SCNN1G: variants seen among roughly 807,000 people sequenced by gnomAD.
The protein encoded by SCNN1G is epithelial sodium channel subunit gamma.
A neutral mutation model predicts 64.6 loss-of-function variants in SCNN1G; 27 were observed. The observed-to-expected ratio is 0.42, with a 90% CI of 0.31 to 0.58. The LOEUF is 0.58. Among genes scored for constraint, SCNN1G ranks in the 20% least tolerant of loss-of-function variants. The pLI, the probability that SCNN1G is intolerant of heterozygous loss-of-function variation, is 0.18. For synonymous variants in SCNN1G, 330 were observed against 314.2 expected (o/e 1.05, Z -0.53); for missense variants, 743 against 823.4 (o/e 0.90, Z 1.19).
chr16:23,205,099 T>C (rs1159457674), intron 6 of SCNN1G, among the ~76,000 whole-genome samples: 7 of 152,254 alleles, frequency 4.6e-5, no homozygotes, highest in Admixed American at 2.6e-4. Flanking sequence ...AAGCATGAGC[T>C]ATCATGCCTG....
intron 2 of SCNN1G, among the ~76,000 whole-genome samples, chr16:23,188,381 A>G (rs1216002612): frequency 6.6e-6 from 1 of 151,998 alleles, no homozygotes; most frequent in African/African-American, 2.4e-5. Flanking sequence ...GTGTGATGGC[A>G]CACATTCATA....
chr16:23,214,430 T>C (rs945905684), intron 11 of SCNN1G, among the ~76,000 whole-genome samples: 1 of 152,236 alleles, frequency 6.6e-6, no homozygotes, highest in Non-Finnish European at 1.5e-5. Context: ...ATGTCAATGT[T>C]TAATGAAGAA....
intron 8 of SCNN1G, 36 bp downstream of exon 8, chr16:23,212,187 G>A: frequency 7.1e-7 from 1 of 1,409,990 alleles, no homozygotes; most frequent in African/African-American, 1.4e-5. Context: ...GCATGCCCCA[G>A]GACCAGGGTC....
rs72647515 is a variant in SCNN1G at position 23,207,948 on chromosome 16, T to C, written c.1078-1802T>C. Reference sequence around the variant, plus strand: ...TCCCTCCCACAAATCTGCCATTCTTTTTCTCTTTACCCCCATCTCCCCAAC... The same window carrying C: ...TCCCTCCCACAAATCTGCCATTCTTCTTCTCTTTACCCCCATCTCCCCAAC... On this transcript the variant is annotated intron_variant, in intron 6 of 12. Coordinates refer to ENST00000300061, the MANE Select transcript of SCNN1G (RefSeq NM_001039.4). 1.1e-3 allele frequency among the ~76,000 whole-genome samples: 173 copies of C among 152,308 alleles called. 1 individual carries two copies. Among genetic ancestry groups the C allele is most frequent in the African/African-American group, 3.6e-3 (150 of 41,576 alleles).
At chr16:23,184,670 C>G (rs1377880977) in intron 1 of SCNN1G, among the ~76,000 whole-genome samples, 9 of 152,118 alleles carry the variant, frequency 5.9e-5, no homozygotes, top group Non-Finnish European at 1.3e-4. Flanking sequence ...CTTAAACCCA[C>G]TAGCATCATA....
chr16:23,209,896 C>A (rs1296968023), intron 7 of SCNN1G, 48 bp downstream of exon 7: 1 of 1,359,914 alleles, frequency 7.4e-7, no homozygotes, highest in African/African-American at 1.4e-5. Context: ...GGCCCGGACC[C>A]AGGAGACAAA....
Position 23,194,199 on chromosome 16 carries a change from C to A in SCNN1G, c.838C>A (p.His280Asn), listed in dbSNP as rs543639039. Residue 280 changes from histidine (H) to asparagine (N), a missense_variant, in exon 5 of 13, where the codon CAT (histidine) becomes AAT (asparagine). Physicochemically the swap from His to Asn is moderately conservative, Grantham distance 68. Transcript: ENST00000300061. ...RNFTLFHHPM[H>N]GNCYTFNNRE... ...TTTCACGCTTTTCCACCACCCGATG[C>A]ATGGGAATTGCTATACTTTCAACAA... The A allele has an allele frequency of 1.2e-6, 2 of 1,613,826 alleles. No individual in the cohort carries two copies. The highest frequency in any genetic ancestry group is 1.7e-6 in the Non-Finnish European group (2 of 1,179,776).
chr16:23,201,175 G>T (rs1464864756), intron 6 of SCNN1G, among the ~76,000 whole-genome samples: 1 of 152,186 alleles, frequency 6.6e-6, no homozygotes, highest in Non-Finnish European at 1.5e-5. Context: ...GAGCACAATG[G>T]TGAGCATTTT....
intron 6 of SCNN1G, among the ~76,000 whole-genome samples, chr16:23,201,173 T>C (rs1464828160): frequency 6.6e-6 from 1 of 152,212 alleles, no homozygotes; most frequent in Non-Finnish European, 1.5e-5. Context: ...CAGAGCACAA[T>C]GGTGAGCATT....
chr16:23,213,739 C>A (rs1391098987), intron 11 of SCNN1G, among the ~76,000 whole-genome samples: 1 of 152,210 alleles, frequency 6.6e-6, no homozygotes, highest in Non-Finnish European at 1.5e-5. Flanking sequence ...TCATAGAGCA[C>A]CCCCTAGGTG....
At position 23,203,141 on chromosome 16, in the gene SCNN1G, A is replaced by G. The variant is rs573014843; in HGVS notation, c.1077+5714A>G. 1.5e-4 allele frequency among the ~76,000 whole-genome samples: 23 copies of G among 152,356 alleles called. No individual in the cohort carries two copies. The East Asian group carries it at 1.7e-3, about 12-fold the overall frequency. On this transcript the variant is annotated intron_variant, in intron 6 of 12. Transcript: ENST00000300061. Reference sequence around the variant, plus strand: ...GATAAATCAAGGAAGAGAATTTTACAGAAGGTGTGACCAAATAAGCAAGTA... The same window carrying G: ...GATAAATCAAGGAAGAGAATTTTACGGAAGGTGTGACCAAATAAGCAAGTA...
At chr16:23,212,298 T>C in intron 8 of SCNN1G, 147 bp downstream of exon 8, 1 of 710,156 alleles carries the variant, frequency 1.4e-6, no homozygotes, top group South Asian at 1.5e-5. Flanking sequence ...TTTACTTCTG[T>C]TGTCAAGCCT....
At position 23,215,142 on chromosome 16, in the gene SCNN1G, C is replaced by T. The variant is rs752590787; in HGVS notation, c.1623C>T (p.Cys541=). Residue 541 remains cysteine, a synonymous_variant, in exon 13 of 13, where the codon TGC becomes TGT. Coordinates refer to ENST00000300061, the MANE Select transcript of SCNN1G (RefSeq NM_001039.4). ...GCCAGCTGGGCCTGTGGATGAGCTG[C>T]TCTGTTGTCTGCGTCATCGAGATCA... is the stretch of plus-strand genomic sequence containing the variant. ...FGGQLGLWMS[C]SVVCVIEIIE... 6.2e-7 allele frequency: 1 copy of T among 1,614,120 alleles called. No homozygotes were observed. Among genetic ancestry groups the T allele is most frequent in the South Asian group, 1.1e-5 (1 of 91,080 alleles).
chr16:23,184,905 C>T (rs767701047), intron 1 of SCNN1G, among the ~76,000 whole-genome samples: 15 of 152,142 alleles, frequency 9.9e-5, no homozygotes, highest in African/African-American at 1.4e-4. Flanking sequence ...AGGCATAGGA[C>T]GACACAGTTT....
chr16:23,202,376 G>T (rs1183571648), intron 6 of SCNN1G, among the ~76,000 whole-genome samples: 2 of 151,880 alleles, frequency 1.3e-5, no homozygotes, highest in African/African-American at 4.8e-5. Context: ...AGATAGGTGA[G>T]TGGGTGCGTG....
At chr16:23,194,085 A>C (rs1959755655) in intron 4 of SCNN1G, 86 bp from the exon 5 acceptor site, 1 of 857,490 alleles carries the variant, frequency 1.2e-6, no homozygotes, top group African/African-American at 1.6e-5. Context: ...CCCCAAAGAG[A>C]GTTGGCTCCA....
At chr16:23,195,495 G>A (rs1323287786) in intron 5 of SCNN1G, among the ~76,000 whole-genome samples, 1 of 152,184 alleles carries the variant, frequency 6.6e-6, no homozygotes, top group African/African-American at 2.4e-5. Flanking sequence ...GACAAGGGAG[G>A]GCCTGTCATA....
intron 2 of SCNN1G, among the ~76,000 whole-genome samples, chr16:23,187,158 G>C (rs781360448): frequency 2.0e-5 from 3 of 149,580 alleles, no homozygotes; most frequent in Non-Finnish European, 3.0e-5. Flanking sequence ...ACCCAAGCTG[G>C]AGTGCAGTGG....
intron 6 of SCNN1G, among the ~76,000 whole-genome samples, chr16:23,205,621 A>C (rs980808026): frequency 6.6e-6 from 1 of 151,162 alleles, no homozygotes; most frequent in Non-Finnish European, 1.5e-5. Flanking sequence ...AATGGCTTAC[A>C]CCCGGGAGGT....
Sources: gnomAD v4.1 joint callset for allele counts (sites outside exome capture counted in the v4.1 genomes callset) on GRCh38, gnomAD v4.1.1 for gene constraint, MANE v1.5 for transcripts, NCBI Gene and HGNC (gene_info 2026-07-23, HGNC 2026-07-21) for gene names.